DLG2: variants seen among roughly 807,000 people sequenced by gnomAD.
DLG2 encodes the protein discs large MAGUK scaffold protein 2, also known as disks large homolog 2.
DLG2 carries 45 observed loss-of-function variants against 132.5 expected under a neutral mutation model. That is an observed-to-expected ratio of 0.34 (90% confidence interval 0.27 to 0.44). The LOEUF is 0.44. Among genes scored for constraint, DLG2 ranks in the 20% least tolerant of loss-of-function variants. The pLI, the probability that DLG2 is intolerant of heterozygous loss-of-function variation, is 1.00. For synonymous variants in DLG2, 424 were observed against 419.6 expected (o/e 1.01, Z -0.13); for missense variants, 1,045 against 1,196.9 (o/e 0.87, Z 1.87).
At position 85,001,596 on chromosome 11, in the gene DLG2, A is replaced by C. The variant is rs570020088; in HGVS notation, c.357+110065T>G. Among the ~76,000 whole-genome samples the C allele has an allele frequency of 9.2e-4, 140 of 152,304 alleles. 5 individuals are homozygous for C. The South Asian group carries it at 0.027, about 30-fold the overall frequency. On this transcript the variant is annotated intron_variant, in intron 6 of 27. Coordinates refer to ENST00000376104, the MANE Select transcript of DLG2 (RefSeq NM_001142699.3). ...CTGATTGACAATTAGCTTTAACTGA[A>C]GAGCTTTTAAAAATTACTGATAAAT...
chr11:85,044,793 C>A (rs1009831955), intron 6 of DLG2, among the ~76,000 whole-genome samples: 2 of 152,010 alleles, frequency 1.3e-5, no homozygotes, highest in African/African-American at 4.8e-5. Context: ...ATTCTCATTT[C>A]TCAGAATCTC....
intron 6 of DLG2, among the ~76,000 whole-genome samples, chr11:84,550,623 T>C (rs1211645623): frequency 6.6e-6 from 1 of 152,130 alleles, no homozygotes; most frequent in Admixed American, 6.5e-5. Flanking sequence ...ACCTAGAATA[T>C]CTCCTGGATG....
At chr11:85,536,681 G>T (rs2153198597) in intron 3 of DLG2, among the ~76,000 whole-genome samples, 1 of 152,368 alleles carries the variant, frequency 6.6e-6, no homozygotes, top group Non-Finnish European at 1.5e-5. Context: ...GCGGGTTCCA[G>T]GTGAGCGCAG....
At chr11:85,505,588 A>C (rs1222980894) in intron 3 of DLG2, among the ~76,000 whole-genome samples, 1 of 152,206 alleles carries the variant, frequency 6.6e-6, no homozygotes, top group Non-Finnish European at 1.5e-5. Context: ...GGTGGTGGAT[A>C]AGATTTCTGA....
chr11:85,163,750 G>C (rs1209294539), intron 4 of DLG2, among the ~76,000 whole-genome samples: 1 of 152,060 alleles, frequency 6.6e-6, no homozygotes, highest in Admixed American at 6.6e-5. Context: ...CATTGAATAG[G>C]GTCTTCTTCC....
chr11:83,621,975 C>A (rs758266915), intron 19 of DLG2, among the ~76,000 whole-genome samples: 5 of 152,106 alleles, frequency 3.3e-5, no homozygotes, highest in Non-Finnish European at 7.4e-5. Context: ...AGTTCAGTGG[C>A]AAGATCTCAG....
intron 3 of DLG2, among the ~76,000 whole-genome samples, chr11:85,333,003 T>C (rs1158748376): frequency 6.6e-6 from 1 of 152,236 alleles, no homozygotes; most frequent in Non-Finnish European, 1.5e-5. Flanking sequence ...ATTGCTAGTT[T>C]GATACGAATA....
At chr11:84,058,549 C>T (rs2096542103) in intron 11 of DLG2, among the ~76,000 whole-genome samples, 2 of 114,054 alleles carry the variant, frequency 1.8e-5, no homozygotes, top group South Asian at 3.0e-4. Flanking sequence ...TAACCACATG[C>T]ACTAGTGCAT....
intron 3 of DLG2, among the ~76,000 whole-genome samples, chr11:85,350,287 C>A (rs900915782): frequency 6.6e-6 from 1 of 151,952 alleles, no homozygotes; most frequent in Non-Finnish European, 1.5e-5. Context: ...TGTTTAAGTT[C>A]TTTGTAGATT....
chr11:84,942,720 T>C (rs191827085), intron 6 of DLG2, among the ~76,000 whole-genome samples: 4 of 152,348 alleles, frequency 2.6e-5, no homozygotes, highest in Admixed American at 2.6e-4. Flanking sequence ...AACTGTTCTG[T>C]AAACGTGTAT....
At chr11:85,192,691 T>G (rs2080694232) in intron 4 of DLG2, among the ~76,000 whole-genome samples, 1 of 152,236 alleles carries the variant, frequency 6.6e-6, no homozygotes, top group Non-Finnish European at 1.5e-5. Context: ...AATCACCAAA[T>G]CCTATTACTT....
At chr11:83,985,184 A>G (rs939047740) in intron 11 of DLG2, among the ~76,000 whole-genome samples, 2 of 152,014 alleles carry the variant, frequency 1.3e-5, no homozygotes, top group African/African-American at 4.8e-5. Context: ...CAGGCTCTCT[A>G]CCTTATAAGA....
intron 3 of DLG2, among the ~76,000 whole-genome samples, chr11:85,455,056 A>T (rs2433016): frequency 2.0e-5 from 3 of 152,106 alleles, no homozygotes; most frequent in African/African-American, 7.2e-5. Flanking sequence ...CTAATTCTGT[A>T]AAGAATGTCA....
At chr11:84,561,073 A>G (rs115830075) in intron 6 of DLG2, among the ~76,000 whole-genome samples, 321 of 152,198 alleles carry the variant, frequency 2.1e-3, no homozygotes, top group African/African-American at 7.5e-3. Context: ...TATAGCCATA[A>G]TATTAGCTGT....
chr11:84,353,836 T>G (rs1209598672), intron 7 of DLG2, among the ~76,000 whole-genome samples: 1 of 152,130 alleles, frequency 6.6e-6, no homozygotes, highest in Admixed American at 6.6e-5. Context: ...TCATCATTTA[T>G]TTTACCTAAC....
At chr11:85,425,507 G>A (rs1011319991) in intron 3 of DLG2, among the ~76,000 whole-genome samples, 1 of 151,900 alleles carries the variant, frequency 6.6e-6, no homozygotes, top group African/African-American at 2.4e-5. Flanking sequence ...ATACATTACT[G>A]GTAACACTTT....
At chr11:83,750,285 G>A (rs2093217101) in intron 18 of DLG2, among the ~76,000 whole-genome samples, 2 of 152,146 alleles carry the variant, frequency 1.3e-5, no homozygotes, top group African/African-American at 2.4e-5. Flanking sequence ...GTTATTCTGT[G>A]ACTGAGGCTA....
At chr11:84,118,626 T>C (rs1243967664) in intron 9 of DLG2, among the ~76,000 whole-genome samples, 1 of 152,230 alleles carries the variant, frequency 6.6e-6, no homozygotes, top group Non-Finnish European at 1.5e-5. Context: ...CACAGAGGTA[T>C]ATATTTCTTT....
rs531612771 is a variant in DLG2 at position 83,762,031 on chromosome 11, T to TAA, written c.1825+24657_1825+24658dup. Among the ~76,000 whole-genome samples the TAA allele has an allele frequency of 3.1e-4, 47 of 152,288 alleles. No individual in the cohort carries two copies. In the East Asian group the frequency reaches 8.3e-3, roughly 27 times the overall value. On this transcript the variant is annotated intron_variant, in intron 18 of 27. Coordinates refer to ENST00000376104, the MANE Select transcript of DLG2 (RefSeq NM_001142699.3). The stretch of plus-strand genomic sequence containing the variant: ...CTTGAGAAGCTCAAAGTCCATGATC[T>TAA]AACTCCCAGGCTATTTAAGAGCTCA...
Sources: allele counts gnomAD v4.1 joint callset (sites outside exome capture counted in the v4.1 genomes callset), GRCh38; gene constraint gnomAD v4.1.1; transcripts MANE v1.5; gene names NCBI Gene and HGNC (gene_info 2026-07-23, HGNC 2026-07-21).